The following SH3BP2 variants were observed in gnomAD, a reference collection of about 807,000 sequenced individuals.
The protein encoded by SH3BP2 is SH3 domain-binding protein 2.
In SH3BP2, 38 loss-of-function variants were observed where a neutral mutation model predicts 56.2. That is an observed-to-expected ratio of 0.68 (90% CI 0.52 to 0.89). SH3BP2 has a LOEUF of 0.89. Among genes scored for constraint, SH3BP2 ranks in the 40% least tolerant of loss-of-function variants. The pLI is 0.00. For missense variants in SH3BP2, 748 were observed against 762.6 expected (o/e 0.98, Z 0.23); for synonymous variants, 346 against 316.7 (o/e 1.09, Z -0.98).
At chr4:2,827,056 CAT>C (rs1491417124) in intron 5 of SH3BP2, 172 bp from the exon 6 acceptor site, 2 of 698,602 alleles carry the variant, frequency 2.9e-6, no homozygotes, top group Non-Finnish European at 5.2e-6. Flanking sequence ...TCCGTGTGTG[CAT>C]GTGTGTGTCT....
At position 2,829,564 on chromosome 4, in the gene SH3BP2, A is replaced by G; in HGVS notation, c.658A>G (p.Met220Val). ...PTPRKPAFSD[M>V]PRAHSFTSKG... ...GCCCAGGAAGCCAGCCTTCTCTGAC[A>G]TGCCCCGGGCCCACTCCTTTACCTC... is the stretch of plus-strand genomic sequence containing the variant. The change falls in exon 8 of 13, where the codon ATG becomes GTG. Residue 220 changes from methionine to valine, a missense_variant. Met to Val is a conservative substitution (Grantham distance 21). Transcript: ENST00000503393. This position sits in a 1 kb window ranked among gnomAD's most constrained non-coding sequence, Gnocchi z 4.9. 1.2e-6 allele frequency: 2 copies of G among 1,613,022 alleles called. No individual in the cohort carries two copies. The highest frequency in any genetic ancestry group is 8.5e-7 in the Non-Finnish European group (1 of 1,179,800).
intron 6 of SH3BP2, 122 bp from the exon 7 acceptor site, chr4:2,827,484 C>G: frequency 8.3e-7 from 1 of 1,205,774 alleles, no homozygotes; most frequent in South Asian, 1.3e-5. Flanking sequence ...AGGGTCTGGA[C>G]TCACAGTCCT....
At chr4:2,826,408 G>A (rs563659722) in intron 5 of SH3BP2, 11 of 192,504 alleles carry the variant, frequency 5.7e-5, no homozygotes, top group Non-Finnish European at 9.5e-5. Flanking sequence ...GTGTGTGCAT[G>A]TCCACGTGTT....
chr4:2,813,999 C>T (rs1388562705), intron 1 of SH3BP2, among the ~76,000 whole-genome samples: 1 of 152,228 alleles, frequency 6.6e-6, no homozygotes, highest in South Asian at 2.1e-4. Context: ...TGGGGCCAAC[C>T]TGATCACCAC....
In SH3BP2 at chr4:2,824,674, A is replaced by G; in HGVS notation, c.301A>G (p.Ile101Val). 2 of 1,613,890 alleles carry G rather than the reference A, an allele frequency of 1.2e-6. No individual in the cohort carries two copies. Among genetic ancestry groups the G allele is most frequent in the Non-Finnish European group, 8.5e-7 (1 of 1,179,948 alleles). ...CGTTTTCCCCTTCAAGATCATCCAT[A>G]TCAGCAAGAAGCACCGCACGTGGTT... ...NNVFPFKIIH[I>V]SKKHRTWFFS... The change falls in exon 4 of 13, where the codon ATC becomes GTC. Residue 101 changes from isoleucine to valine, a missense_variant. Ile to Val is a conservative substitution (Grantham distance 29, BLOSUM62 3). Transcript: ENST00000503393.
chr4:2,833,333 C>A, intron 12 of SH3BP2: 1 of 580,760 alleles, frequency 1.7e-6, no homozygotes, highest in Non-Finnish European at 3.1e-6. Flanking sequence ...GGACAGGGGT[C>A]TCACTGTCTT....
chr4:2,826,029 C>G (rs1054501181), intron 5 of SH3BP2, among the ~76,000 whole-genome samples: 6 of 152,270 alleles, frequency 3.9e-5, no homozygotes, highest in African/African-American at 1.4e-4. Flanking sequence ...AGGTCCCTGC[C>G]TGACTCCGGG....
chr4:2,833,765 C>T lies in SH3BP2; in HGVS notation c.1617C>T (p.His539=), dbSNP rs187860672. 2 of 1,602,204 alleles carry T rather than the reference C, an allele frequency of 1.2e-6. No homozygotes were observed. The highest frequency in any genetic ancestry group is 2.3e-5 in the East Asian group (1 of 44,326). The part of the protein sequence containing the change: ...VSVGSMVEHY[H]THVLPSHQSL... ...TGGGCAGCATGGTGGAGCACTACCA[C>T]ACCCACGTGCTGCCCAGCCACCAGA... The change falls in exon 13 of 13, where the codon CAC becomes CAT. Residue 539 remains histidine (H), a synonymous_variant. Coordinates refer to ENST00000503393, the MANE Select transcript of SH3BP2 (RefSeq NM_001122681.2).
chr4:2,796,322 C>A, intron 1 of SH3BP2: 1 of 762,552 alleles, frequency 1.3e-6, no homozygotes, highest in Non-Finnish European at 1.6e-6. Flanking sequence ...GTGGTGCAGG[C>A]TCCCAGGAGG....
chr4:2,823,445 C>T lies in SH3BP2; in HGVS notation c.239+408C>T, dbSNP rs28518174. 1.4e-3 allele frequency: 656 copies of T among 459,612 alleles called. 3 individuals carry two copies. The highest frequency in any genetic ancestry group is 0.012 in the African/African-American group (599 of 50,326). The allele number at this position is 459,612 out of a possible 1,614,324, so 28.5% of individuals were successfully genotyped here. On this transcript the variant is annotated intron_variant, in intron 3 of 12. Transcript: ENST00000503393. ...GCCCTGTCCCAAACAGAGGCTGGGC[C>T]CTAGGATTCCCTGCTCCAGGGTCCT...
intron 1 of SH3BP2, among the ~76,000 whole-genome samples, chr4:2,815,826 G>A (rs1010876575): frequency 1.3e-5 from 2 of 152,192 alleles, no homozygotes; most frequent in Admixed American, 1.3e-4. Context: ...GAGCTGGTGA[G>A]GATGGGAGAC....
At chr4:2,802,447 T>C (rs1379043021) in intron 1 of SH3BP2, among the ~76,000 whole-genome samples, 2 of 144,380 alleles carry the variant, frequency 1.4e-5, no homozygotes, top group East Asian at 4.1e-4. Flanking sequence ...TGTGTGTATG[T>C]ATATATGTGT....
intron 3 of SH3BP2, 65 bp from the exon 4 acceptor site, chr4:2,824,548 G>T (rs371031275): frequency 6.7e-6 from 8 of 1,188,654 alleles, no homozygotes; most frequent in South Asian, 2.4e-5. Context: ...TCACAGGGGG[G>T]TGCTGTGGGA....
At chr4:2,824,768 G>A in intron 4 of SH3BP2, 38 bp downstream of exon 4, 1 of 1,479,252 alleles carries the variant, frequency 6.8e-7, no homozygotes, top group East Asian at 2.3e-5. Flanking sequence ...AGGTGACTGG[G>A]GGTGTGGGCC....
Position 2,833,227 on chromosome 4 carries a change from C to T in SH3BP2, c.1548+178C>T, listed in dbSNP as rs1725094803. The T allele has an allele frequency of 4.5e-6, 3 of 672,054 alleles. No homozygotes were observed. The African/African-American group carries it at 5.3e-5, about 12-fold the overall frequency. 41.6% of individuals were successfully genotyped at this position (672,054 alleles called of 1,614,324 possible). ...CCACCCCTCCTGCTCAGCCTCCCTC[C>T]TCTCGTGGCCTACCTTTGTCCTCCA... On this transcript the variant is annotated intron_variant, in intron 12 of 12. Coordinates refer to ENST00000503393, the MANE Select transcript of SH3BP2 (RefSeq NM_001122681.2).
At chr4:2,796,336 G>C in intron 1 of SH3BP2, 1 of 882,372 alleles carries the variant, frequency 1.1e-6, no homozygotes, top group Non-Finnish European at 1.4e-6. Flanking sequence ...CAGGAGGGGA[G>C]AAAGGTGCCC....
In SH3BP2 at chr4:2,829,605, C is replaced by T. The variant is rs1351891912; in HGVS notation, c.699C>T (p.Pro233=). ...CCTTTACCTCCAAGGGCCCCGGTCC[C>T]CTACTGCCACCCCCGCCCCCTAAGC... ...AHSFTSKGPG[P]LLPPPPPKHG... The change falls in exon 8 of 13, where the codon CCC becomes CCT. Residue 233 remains proline, a synonymous_variant. Coordinates refer to ENST00000503393, the MANE Select transcript of SH3BP2 (RefSeq NM_001122681.2). This position sits in a 1 kb window ranked among gnomAD's most constrained non-coding sequence, Gnocchi z 4.9. The T allele has an allele frequency of 5.0e-6, 8 of 1,612,558 alleles. No homozygotes were observed. The highest frequency in any genetic ancestry group is 6.8e-6 in the Non-Finnish European group (8 of 1,179,500).
intron 1 of SH3BP2, chr4:2,799,213 G>C: frequency 1.0e-6 from 1 of 985,542 alleles, no homozygotes; most frequent in Non-Finnish European, 1.2e-6. Flanking sequence ...CGGGACCCTG[G>C]GGGTGGAATC....
rs1188131302 is a variant in SH3BP2, at chr4:2,840,173, T to G, written c.*6339T>G. 1 of 145,014 alleles carries G rather than the reference T, an allele frequency of 6.9e-6. No individual in the cohort carries two copies. The highest frequency in any genetic ancestry group is 1.5e-5 in the Non-Finnish European group (1 of 67,182). The allele number at this position is 145,014 out of a possible 1,614,324, so 9.0% of individuals were successfully genotyped here. A position where few individuals can be genotyped will look rare whatever the true frequency, so the allele number is the denominator to read the frequency against. ...CCAGAAGGTCAAGGCTGCAGTGAGC[T>G]GTGATTGTGCCACTGCACTTCAGCC... On this transcript the variant is annotated 3_prime_UTR_variant, in exon 13 of 13. Coordinates refer to ENST00000503393, the MANE Select transcript of SH3BP2 (RefSeq NM_001122681.2).
Sources: gnomAD v4.1 joint callset for allele counts (sites outside exome capture counted in the v4.1 genomes callset) on GRCh38, gnomAD v4.1.1 for gene constraint, Gnocchi (gnomAD v3.1) non-coding constraint, MANE v1.5 for transcripts, NCBI Gene and HGNC (gene_info 2026-07-23, HGNC 2026-07-21) for gene names.